Variants in PLEKHM3 observed in about 807,000 individuals in gnomAD.
The protein encoded by PLEKHM3 is pleckstrin homology domain containing M3.
A neutral mutation model predicts 81.8 loss-of-function variants in PLEKHM3; 45 were observed. That is an observed-to-expected ratio of 0.55 (90% CI 0.43 to 0.71). The LOEUF is 0.71. PLEKHM3 is among the 30% of genes least tolerant of loss of function. PLEKHM3 has a pLI of 0.00. For missense variants in PLEKHM3, 788 were observed against 924.3 expected (o/e 0.85, Z 1.91); for synonymous variants, 352 against 356.4 (o/e 0.99, Z 0.14).
At chr2:207,961,677 C>A (rs1156642457) in intron 3 of PLEKHM3, among the ~76,000 whole-genome samples, 1 of 152,102 alleles carries the variant, frequency 6.6e-6, no homozygotes. Flanking sequence ...TGTGCTTGCC[C>A]ATCGTCCCAC....
At chr2:207,930,150 C>T (rs920854405) in intron 5 of PLEKHM3, among the ~76,000 whole-genome samples, 4 of 152,194 alleles carry the variant, frequency 2.6e-5, no homozygotes, top group African/African-American at 9.7e-5. Flanking sequence ...GTTCTATGAA[C>T]TATGAGCTAA....
chr2:207,840,020 G>A (rs923358743), intron 7 of PLEKHM3, among the ~76,000 whole-genome samples: 8 of 152,170 alleles, frequency 5.3e-5, no homozygotes, highest in Non-Finnish European at 7.3e-5. Context: ...AGCAATCTGT[G>A]TTTTAACAAG....
chr2:207,880,779 A>C (rs12474657), intron 6 of PLEKHM3, among the ~76,000 whole-genome samples: 1 of 136,008 alleles, frequency 7.4e-6, no homozygotes, highest in African/African-American at 2.8e-5. Context: ...AAAAAAAAAA[A>C]AAAAAAAAAC....
intron 6 of PLEKHM3, among the ~76,000 whole-genome samples, chr2:207,891,615 T>C (rs1161298093): frequency 6.6e-6 from 1 of 152,216 alleles, no homozygotes; most frequent in Non-Finnish European, 1.5e-5. Flanking sequence ...AATTGTTTAC[T>C]TGAACTCGGG....
At chr2:207,950,815 T>C (rs1382954800) in intron 3 of PLEKHM3, among the ~76,000 whole-genome samples, 2 of 152,236 alleles carry the variant, frequency 1.3e-5, no homozygotes, top group African/African-American at 4.8e-5. Context: ...AAACTGGCTA[T>C]GTAGAAACAA....
chr2:207,929,302 G>C (rs1689509209), intron 5 of PLEKHM3, among the ~76,000 whole-genome samples: 1 of 152,196 alleles, frequency 6.6e-6, no homozygotes, highest in Non-Finnish European at 1.5e-5. Flanking sequence ...GAATTGAGTA[G>C]AGATTCTTAG....
rs563037296 is a variant in PLEKHM3, at chr2:208,018,305, G to A, written c.-319+7084C>T. ...GGAGAATTGTTTGAACCTGGGAGGC[G>A]GAAGTTGCAGTGAGCCAAGATCATG... On this transcript the variant is annotated intron_variant, in intron 1 of 7. Coordinates refer to ENST00000427836, the MANE Select transcript of PLEKHM3 (RefSeq NM_001080475.3). Among the ~76,000 whole-genome samples the A allele has an allele frequency of 7.5e-4, 113 of 150,634 alleles. 2 individuals are homozygous for A. Among genetic ancestry groups the A allele is most frequent in the Non-Finnish European group, 1.3e-3 (85 of 67,802 alleles).
chr2:207,847,828 C>T (rs1054742997), intron 7 of PLEKHM3, among the ~76,000 whole-genome samples: 1 of 152,130 alleles, frequency 6.6e-6, no homozygotes, highest in Non-Finnish European at 1.5e-5. Context: ...CCAAGAAAAG[C>T]CACAGAAAGG....
chr2:207,839,087 C>T (rs1400144122), intron 7 of PLEKHM3, among the ~76,000 whole-genome samples: 1 of 151,956 alleles, frequency 6.6e-6, no homozygotes, highest in Non-Finnish European at 1.5e-5. Flanking sequence ...ATTTACCTGC[C>T]AAGTTTTTGA....
chr2:207,887,254 A>G (rs1327958355), intron 6 of PLEKHM3, among the ~76,000 whole-genome samples: 1 of 152,212 alleles, frequency 6.6e-6, no homozygotes, highest in Non-Finnish European at 1.5e-5. Context: ...ATTTAAATAA[A>G]TAACTTACTA....
intron 6 of PLEKHM3, among the ~76,000 whole-genome samples, chr2:207,896,439 C>T (rs771941475): frequency 6.6e-6 from 1 of 152,060 alleles, no homozygotes; most frequent in African/African-American, 2.4e-5. Context: ...GTTAAAAATC[C>T]ATTTTTTAAA....
intron 3 of PLEKHM3, among the ~76,000 whole-genome samples, chr2:207,971,536 T>C (rs1326197151): frequency 1.3e-5 from 2 of 151,780 alleles, no homozygotes; most frequent in African/African-American, 2.4e-5. Flanking sequence ...TAAAGATGTA[T>C]ATTGTGTCAA....
intron 6 of PLEKHM3, among the ~76,000 whole-genome samples, chr2:207,895,046 T>C (rs1688178494): frequency 6.6e-6 from 1 of 152,204 alleles, no homozygotes; most frequent in Non-Finnish European, 1.5e-5. Flanking sequence ...TTTGAGCATA[T>C]ACTAAAAGGG....
chr2:207,891,381 G>A (rs1453263310), intron 6 of PLEKHM3, among the ~76,000 whole-genome samples: 1 of 152,198 alleles, frequency 6.6e-6, no homozygotes, highest in East Asian at 1.9e-4. Context: ...AACCTTGTGA[G>A]GCAGGGAGTT....
chr2:207,877,334 C>G (rs1255658589), intron 6 of PLEKHM3, among the ~76,000 whole-genome samples: 1 of 152,170 alleles, frequency 6.6e-6, no homozygotes, highest in African/African-American at 2.4e-5. Flanking sequence ...AGCTGCCTTT[C>G]CCATGCTAGC....
chr2:207,901,224 C>A (rs1688415846), intron 6 of PLEKHM3: 1 of 702,704 alleles, frequency 1.4e-6, no homozygotes, highest in Non-Finnish European at 2.6e-6. Flanking sequence ...TAGTGCCGCA[C>A]ATTTGCTGCC....
intron 6 of PLEKHM3, among the ~76,000 whole-genome samples, chr2:207,863,948 C>A (rs2092482042): frequency 6.6e-6 from 1 of 150,874 alleles, no homozygotes; most frequent in South Asian, 2.1e-4. Flanking sequence ...AAAAACACAA[C>A]TATATACAAA....
rs80178536 is a variant in PLEKHM3, at chr2:207,839,663, T to C, written c.2109-11167A>G. Among the ~76,000 whole-genome samples the C allele has an allele frequency of 5.6e-3, 846 of 152,276 alleles. 9 individuals carry two copies. Among genetic ancestry groups the C allele is most frequent in the African/African-American group, 0.019 (787 of 41,554 alleles). ...AAAGGCTAATTAGTGGCCAGCACAG[T>C]GCCTCACACCTGTAATTCCAGCACT... is the stretch of plus-strand genomic sequence containing the variant. On this transcript the variant is annotated intron_variant, in intron 7 of 7. Transcript: ENST00000427836.
intron 4 of PLEKHM3, among the ~76,000 whole-genome samples, 172 bp from the exon 5 acceptor site, chr2:207,931,291 G>C (rs1689590968): frequency 6.6e-6 from 1 of 152,148 alleles, no homozygotes; most frequent in South Asian, 2.1e-4. Context: ...CTCTCTTCCA[G>C]ACATTCAACT....
Sources: allele counts gnomAD v4.1 joint callset (sites outside exome capture counted in the v4.1 genomes callset), GRCh38; gene constraint gnomAD v4.1.1; transcripts MANE v1.5; gene names NCBI Gene and HGNC (gene_info 2026-07-23, HGNC 2026-07-21).